PDE3B: variants seen among roughly 807,000 people sequenced by gnomAD.
PDE3B encodes the protein cGMP-inhibited 3',5'-cyclic phosphodiesterase 3B.
Under a neutral mutation model 116.8 loss-of-function variants are expected in PDE3B, and 66 were observed. The observed-to-expected ratio is 0.56, with a 90% CI of 0.46 to 0.69. PDE3B has a LOEUF of 0.69. Ranked by LOEUF, PDE3B falls within the 30% of genes least tolerant of loss-of-function variation. The pLI is 0.00. For synonymous variants in PDE3B, 595 were observed against 533.6 expected, an observed-to-expected ratio of 1.12 and a Z score of -1.59; for missense variants, 1,384 against 1,368.1, an observed-to-expected ratio of 1.01 and a Z score of -0.18.
At chr11:14,733,980 C>T (rs186887713) in intron 1 of PDE3B, among the ~76,000 whole-genome samples, 2 of 152,278 alleles carry the variant, frequency 1.3e-5, no homozygotes, top group Admixed American at 6.5e-5. Flanking sequence ...GAGGGTATGT[C>T]GAAGTACCAT....
intron 12 of PDE3B, among the ~76,000 whole-genome samples, chr11:14,855,834 A>G (rs923224795): frequency 6.6e-6 from 1 of 152,262 alleles, no homozygotes; most frequent in Non-Finnish European, 1.5e-5. Flanking sequence ...ACCATTTTAC[A>G]TGAGAGCAAA....
At chr11:14,710,415 G>A (rs1225054073) in intron 1 of PDE3B, among the ~76,000 whole-genome samples, 3 of 152,124 alleles carry the variant, frequency 2.0e-5, no homozygotes, top group Non-Finnish European at 2.9e-5. Flanking sequence ...AACCACGAGA[G>A]AGGTGGGCAC....
chr11:14,833,348 C>A (rs1859958085), intron 10 of PDE3B, among the ~76,000 whole-genome samples: 1 of 152,098 alleles, frequency 6.6e-6, no homozygotes, highest in Non-Finnish European at 1.5e-5. Flanking sequence ...TTTTTGTTAA[C>A]ATTTTGGTAT....
At chr11:14,766,117 T>G (rs961255412) in intron 1 of PDE3B, among the ~76,000 whole-genome samples, 2 of 151,678 alleles carry the variant, frequency 1.3e-5, no homozygotes, top group African/African-American at 4.8e-5. Context: ...TTAATCACAA[T>G]TTTTGAAAAC....
At chr11:14,851,511 T>TGTGG (rs1340579574) in intron 12 of PDE3B, among the ~76,000 whole-genome samples, 2 of 95,520 alleles carry the variant, frequency 2.1e-5, no homozygotes, top group Non-Finnish European at 4.9e-5. Flanking sequence ...TATAATGGGG[T>TGTGG]GTGTGTGTGT....
intron 2 of PDE3B, chr11:14,776,263 A>G (rs1185954044): frequency 1.3e-5 from 2 of 152,240 alleles, no homozygotes; most frequent in South Asian, 2.1e-4. Context: ...ACCACTGGCA[A>G]TCAGTGACCA....
chr11:14,875,529 A>G (rs1848180968), downstream of PDE3B, among the ~76,000 whole-genome samples: 1 of 152,188 alleles, frequency 6.6e-6, no homozygotes, highest in Non-Finnish European at 1.5e-5. Flanking sequence ...TATTGCGTAG[A>G]TCCAATGTAT....
intron 1 of PDE3B, among the ~76,000 whole-genome samples, chr11:14,711,922 G>C (rs1855715455): frequency 6.6e-6 from 1 of 152,186 alleles, no homozygotes; most frequent in Non-Finnish European, 1.5e-5. Context: ...GGGAAGGAAA[G>C]AATTTCCTTT....
intron 1 of PDE3B, among the ~76,000 whole-genome samples, chr11:14,676,197 G>C (rs1456943242): frequency 2.6e-5 from 4 of 152,050 alleles, no homozygotes; most frequent in Non-Finnish European, 4.4e-5. Context: ...AAAATTACTG[G>C]TTTGTAGTTG....
At chr11:14,735,958 T>TTGTGTGTG (rs59099319) in intron 1 of PDE3B, among the ~76,000 whole-genome samples, 6,640 of 142,940 alleles carry the variant, frequency 0.046, 190 homozygotes, top group African/African-American at 0.075. Flanking sequence ...GAATAATAGG[T>TTGTGTGTG]TGTGTGTGTG....
chr11:14,832,839 T>C lies in PDE3B; in HGVS notation c.2206+6T>C, dbSNP rs1242307535. On this transcript the variant is annotated splice_donor_region_variant and intron_variant, in intron 10 of 15. Coordinates refer to ENST00000282096, the MANE Select transcript of PDE3B (RefSeq NM_000922.4). ...TGGCTATCGAGACATTCCTTGTAAG[T>C]ATTAACATATTTTATTATTTAAGTT... 1.7e-6 allele frequency: 2 copies of C among 1,167,230 alleles called. No individual in the cohort carries two copies. Among genetic ancestry groups the C allele is most frequent in the African/African-American group, 1.6e-5 (1 of 64,296 alleles). The allele number at this position is 1,167,230 out of a possible 1,614,324, so 72.3% of individuals were successfully genotyped here. A position where few individuals can be genotyped will look rare whatever the true frequency, so the allele number is the denominator to read the frequency against.
chr11:14,666,323 A>G (rs1487293197), intron 1 of PDE3B, among the ~76,000 whole-genome samples: 1 of 151,112 alleles, frequency 6.6e-6, no homozygotes, highest in East Asian at 1.9e-4. Context: ...CTAAAACCAT[A>G]AAAACCCTAG....
At chr11:14,785,199 A>C (rs1395225715) in intron 2 of PDE3B, among the ~76,000 whole-genome samples, 4 of 152,176 alleles carry the variant, frequency 2.6e-5, no homozygotes, top group Admixed American at 2.6e-4. Context: ...ATTTGCATTC[A>C]GCAATTCAGA....
intron 1 of PDE3B, among the ~76,000 whole-genome samples, chr11:14,721,129 C>G (rs1431067890): frequency 6.6e-6 from 1 of 150,402 alleles, no homozygotes; most frequent in Admixed American, 6.6e-5. Flanking sequence ...TGAACAGACA[C>G]TTCTCAAAAG....
chr11:14,850,139 C>T (rs1483727746), intron 12 of PDE3B, among the ~76,000 whole-genome samples: 1 of 151,948 alleles, frequency 6.6e-6, no homozygotes, highest in African/African-American at 2.4e-5. Flanking sequence ...ACATATACAC[C>T]ATGGAATACT....
chr11:14,803,897 AC>A (rs771119026), intron 4 of PDE3B, 46 bp from the exon 5 acceptor site: 1 of 1,076,428 alleles, frequency 9.3e-7, no homozygotes. Flanking sequence ...AAAAGGTGAA[AC>A]TTTTCCTGTT....
chr11:14,723,267 TCATGTGTTAAA>T (rs1405158043), intron 1 of PDE3B, among the ~76,000 whole-genome samples: 1 of 152,226 alleles, frequency 6.6e-6, no homozygotes, highest in East Asian at 1.9e-4. Context: ...GTATAGAAAT[TCATGTGTTAAA>T]CATCTGAGGG....
At chr11:14,866,545 T>C (rs912627379) in intron 14 of PDE3B, among the ~76,000 whole-genome samples, 1 of 152,100 alleles carries the variant, frequency 6.6e-6, no homozygotes, top group South Asian at 2.1e-4. Flanking sequence ...TTTGGAAAAA[T>C]ATCAATTGTT....
chr11:14,782,320 G>A (rs1397581200), intron 2 of PDE3B, among the ~76,000 whole-genome samples: 1 of 152,158 alleles, frequency 6.6e-6, no homozygotes, highest in Non-Finnish European at 1.5e-5. Context: ...TAAGCCAAAA[G>A]AACAAAGCTG....
Sources: gnomAD v4.1 joint callset for allele counts (sites outside exome capture counted in the v4.1 genomes callset) on GRCh38, gnomAD v4.1.1 for gene constraint, MANE v1.5 for transcripts, NCBI Gene and HGNC (gene_info 2026-07-23, HGNC 2026-07-21) for gene names.